Variants in FMN1 observed in about 807,000 individuals in gnomAD.
FMN1 encodes formin-1.
Under a neutral mutation model 132.4 loss-of-function variants are expected in FMN1, and 110 were observed. The observed-to-expected ratio is 0.83, with a 90% CI of 0.71 to 0.97. FMN1 has a LOEUF of 0.97. FMN1 is among the 50% of genes least tolerant of loss of function. The pLI, the probability that FMN1 is intolerant of heterozygous loss-of-function variation, is 0.00. For missense variants in FMN1, 1,792 were observed against 1,705.3 expected (o/e 1.05, Z -0.90); for synonymous variants, 722 against 651.7 (o/e 1.11, Z -1.64).
intron 2 of FMN1, 35 bp from the exon 3 acceptor site, chr15:33,180,297 C>T (rs951954168): frequency 1.3e-5 from 2 of 151,926 alleles, no homozygotes; most frequent in African/African-American, 4.8e-5. Flanking sequence ...CAAGGCTCAC[C>T]TGAAGTAATT....
At chr15:33,122,947 T>C (rs898131401) in intron 4 of FMN1, among the ~76,000 whole-genome samples, 2 of 152,100 alleles carry the variant, frequency 1.3e-5, no homozygotes, top group South Asian at 4.1e-4. Flanking sequence ...GCTTTATATA[T>C]ACATGGCCTA....
intron 10 of FMN1, among the ~76,000 whole-genome samples, chr15:32,925,297 A>G (rs929542783): frequency 1.3e-5 from 2 of 152,352 alleles, no homozygotes; most frequent in Non-Finnish European, 2.9e-5. Context: ...GGCAAAGATA[A>G]TAAGTGCTCA....
At chr15:32,902,493 A>G (rs1033827532) in intron 12 of FMN1, among the ~76,000 whole-genome samples, 1 of 152,232 alleles carries the variant, frequency 6.6e-6, no homozygotes, top group African/African-American at 2.4e-5. Context: ...TGATTTAAAA[A>G]AAAATCTCTT....
At chr15:33,128,745 G>A (rs1002957176) in intron 4 of FMN1, among the ~76,000 whole-genome samples, 1 of 152,198 alleles carries the variant, frequency 6.6e-6, no homozygotes. Flanking sequence ...GTGATGTGGT[G>A]AATTTTAAAG....
chr15:32,826,279 C>T (rs755397777), intron 17 of FMN1, among the ~76,000 whole-genome samples: 49 of 152,228 alleles, frequency 3.2e-4, no homozygotes, highest in Middle Eastern at 3.4e-3. Flanking sequence ...CATAGAGAAG[C>T]AGCTCTCCAG....
intron 3 of FMN1, among the ~76,000 whole-genome samples, chr15:33,156,097 T>C (rs928486329): frequency 1.2e-4 from 18 of 152,090 alleles, no homozygotes; most frequent in African/African-American, 4.3e-4. Flanking sequence ...AAAGTATATT[T>C]TGAGTGAAGG....
rs1229247599 is a variant in FMN1 at position 32,773,665 on chromosome 15, G to A, written c.*645C>T. 2.0e-5 allele frequency: 3 copies of A among 152,188 alleles called. No individual in the cohort carries two copies. Among genetic ancestry groups the A allele is most frequent in the African/African-American group, 7.2e-5 (3 of 41,436 alleles). The allele number at this position is 152,188 out of a possible 1,614,324, so 9.4% of individuals were successfully genotyped here. ...CTTGTTCTCCAGGATGAAGTTTATG[G>A]CTATTTGTCTCCCTCTCTCCACCCA... On this transcript the variant is annotated 3_prime_UTR_variant, in exon 21 of 21. Coordinates refer to ENST00000616417, the MANE Select transcript of FMN1 (RefSeq NM_001277313.2).
chr15:32,812,767 T>C (rs1027733466), intron 17 of FMN1, among the ~76,000 whole-genome samples: 2 of 152,244 alleles, frequency 1.3e-5, no homozygotes, highest in Non-Finnish European at 2.9e-5. Context: ...AAATATCTTA[T>C]TGGTATAACA....
intron 17 of FMN1, among the ~76,000 whole-genome samples, chr15:32,830,373 G>T (rs959540952): frequency 5.3e-5 from 8 of 152,132 alleles, no homozygotes; most frequent in African/African-American, 1.9e-4. Flanking sequence ...TTTCCCTCCA[G>T]ATCACATTTT....
chr15:33,062,417 C>T (rs969296010), intron 6 of FMN1, among the ~76,000 whole-genome samples: 2 of 152,004 alleles, frequency 1.3e-5, no homozygotes, highest in African/African-American at 4.8e-5. Context: ...GTCAAGAGAT[C>T]GAGACCATCC....
intron 17 of FMN1, among the ~76,000 whole-genome samples, chr15:32,807,448 A>C (rs949197560): frequency 4.6e-5 from 7 of 152,220 alleles, no homozygotes; most frequent in African/African-American, 1.7e-4. Flanking sequence ...AATGTGAAAC[A>C]AACTAGTGAT....
At chr15:33,181,315 T>G (rs1194349476) in intron 2 of FMN1, among the ~76,000 whole-genome samples, 1 of 152,232 alleles carries the variant, frequency 6.6e-6, no homozygotes, top group Non-Finnish European at 1.5e-5. Flanking sequence ...TGTTTTCATA[T>G]AGTAGCTCCA....
At chr15:33,079,271 A>G (rs2038354257) in intron 5 of FMN1, among the ~76,000 whole-genome samples, 1 of 152,248 alleles carries the variant, frequency 6.6e-6, no homozygotes, top group Non-Finnish European at 1.5e-5. Flanking sequence ...TCACAGTTCC[A>G]TTAAGCATTA....
chr15:33,065,410 T>C (rs777581745), intron 5 of FMN1, among the ~76,000 whole-genome samples: 4 of 152,316 alleles, frequency 2.6e-5, no homozygotes, highest in African/African-American at 9.6e-5. Flanking sequence ...ACTACACTGA[T>C]GTGCATTTAT....
chr15:32,966,349 A>G (rs762397262), intron 8 of FMN1, among the ~76,000 whole-genome samples: 7 of 152,116 alleles, frequency 4.6e-5, no homozygotes, highest in Non-Finnish European at 1.0e-4. Context: ...AGAATTTTGG[A>G]ACACTGCCTC....
At chr15:32,994,924 G>C (rs903560396) in intron 7 of FMN1, among the ~76,000 whole-genome samples, 5 of 152,112 alleles carry the variant, frequency 3.3e-5, no homozygotes, top group Admixed American at 6.5e-5. Context: ...AACTAACAAT[G>C]AGTTTTCATG....
chr15:33,025,064 A>T (rs1013506010), intron 6 of FMN1, among the ~76,000 whole-genome samples: 2 of 152,190 alleles, frequency 1.3e-5, no homozygotes, highest in African/African-American at 4.8e-5. Context: ...TAAGTATAAA[A>T]CATGGGATTA....
At chr15:32,983,953 C>T (rs2032881061) in intron 7 of FMN1, among the ~76,000 whole-genome samples, 1 of 152,152 alleles carries the variant, frequency 6.6e-6, no homozygotes, top group South Asian at 2.1e-4. Context: ...CATGGCCAGG[C>T]AAGGGGGTGA....
chr15:32,991,350 C>A (rs920549324), intron 7 of FMN1, among the ~76,000 whole-genome samples: 3 of 152,208 alleles, frequency 2.0e-5, no homozygotes, highest in African/African-American at 7.2e-5. Flanking sequence ...TGCTGGACTG[C>A]TCAGGCTGTT....
Sources: allele counts gnomAD v4.1 joint callset (sites outside exome capture counted in the v4.1 genomes callset), GRCh38; gene constraint gnomAD v4.1.1; transcripts MANE v1.5; gene names NCBI Gene and HGNC (gene_info 2026-07-23, HGNC 2026-07-21).